Variants in SHBG observed in about 807,000 individuals in gnomAD.
SHBG encodes the protein sex hormone binding globulin.
A neutral mutation model predicts 41.9 loss-of-function variants in SHBG; 37 were observed. The observed-to-expected ratio is 0.88, with a 90% CI of 0.68 to 1.16. SHBG has a LOEUF of 1.16. Among genes scored for constraint, SHBG ranks in the 50% most tolerant of loss-of-function variants. The pLI is 0.00. For missense variants in SHBG, 466 were observed against 499.9 expected (o/e 0.93, Z 0.65); for synonymous variants, 217 against 205.8 (o/e 1.05, Z -0.47).
chr17:7,630,978 A>G lies in SHBG; in HGVS notation c.393+109A>G. 2 of 1,086,118 alleles carry G rather than the reference A, an allele frequency of 1.8e-6. No homozygotes were observed. The highest frequency in any genetic ancestry group is 2.7e-6 in the Non-Finnish European group (2 of 735,390). 67.3% of individuals were successfully genotyped at this position (1,086,118 alleles called of 1,614,324 possible). ...CTACCACTGTCATCTCGTTTAATCC[A>G]CACGAACCCCCACAAAGTAGCTATT... On this transcript the variant is annotated intron_variant, in intron 3 of 7. Coordinates refer to ENST00000380450, the MANE Select transcript of SHBG (RefSeq NM_001040.5). The surrounding 1 kb of genome is among the most constrained non-coding windows in gnomAD (Gnocchi z 4.6).
upstream of SHBG, chr17:7,626,960 AC>A: frequency 6.2e-7 from 1 of 1,613,906 alleles, no homozygotes; most frequent in Non-Finnish European, 8.5e-7. Context: ...TTCCGGCATC[AC>A]ATAGATATCC....
At chr17:7,626,755 C>T (rs1340209627), upstream of SHBG, 2 of 1,614,192 alleles carry the variant, frequency 1.2e-6, no homozygotes, top group Non-Finnish European at 1.7e-6. Flanking sequence ...CTCCTCACCT[C>T]AGCCACCTTT....
intron 1 of SHBG, among the ~76,000 whole-genome samples, chr17:7,620,855 T>C (rs1401371000): frequency 6.6e-6 from 1 of 151,992 alleles, no homozygotes; most frequent in Non-Finnish European, 1.5e-5. Flanking sequence ...GGTCGCGAAC[T>C]CCTGACCTCA....
chr17:7,615,318 T>C (rs1372167511), intron 1 of SHBG, among the ~76,000 whole-genome samples: 1 of 152,044 alleles, frequency 6.6e-6, no homozygotes, highest in Admixed American at 6.5e-5. Flanking sequence ...CACCTTTGTC[T>C]TTCTTGGTGC....
intron 1 of SHBG, among the ~76,000 whole-genome samples, chr17:7,622,552 C>T (rs931632576): frequency 1.3e-5 from 2 of 151,628 alleles, no homozygotes; most frequent in East Asian, 2.0e-4. Flanking sequence ...GGATTACAGG[C>T]GTGAGCCACT....
At chr17:7,624,535 C>T (rs181871474), upstream of SHBG, among the ~76,000 whole-genome samples, 33 of 152,146 alleles carry the variant, frequency 2.2e-4, no homozygotes, top group South Asian at 2.1e-4. Flanking sequence ...CCACTGCACC[C>T]GGCCTAATTT....
At chr17:7,615,173 C>G (rs887419011) in intron 1 of SHBG, among the ~76,000 whole-genome samples, 3 of 152,158 alleles carry the variant, frequency 2.0e-5, no homozygotes, top group Non-Finnish European at 2.9e-5. Flanking sequence ...GGGCCGGGCT[C>G]GCTCAGTCCG....
Sources: allele counts gnomAD v4.1 joint callset (sites outside exome capture counted in the v4.1 genomes callset), GRCh38; gene constraint gnomAD v4.1.1; non-coding constraint Gnocchi (gnomAD v3.1); transcripts MANE v1.5; gene names NCBI Gene and HGNC (gene_info 2026-07-23, HGNC 2026-07-21).